CCDC171: variants seen among roughly 807,000 people sequenced by gnomAD.
CCDC171 encodes coiled-coil domain-containing protein 171.
CCDC171 carries 177 observed loss-of-function variants against 168.2 expected under a neutral mutation model. The ratio of observed to expected loss-of-function variants is 1.05; its 90% CI spans 0.93 to 1.19. CCDC171 has a LOEUF of 1.19. Ranked by LOEUF, CCDC171 falls within the 50% of genes most tolerant of loss-of-function variation. CCDC171 has a pLI of 0.00. For synonymous variants in CCDC171, 687 were observed against 540.8 expected, an observed-to-expected ratio of 1.27 and a Z score of -3.75; for missense variants, 1,991 against 1,539.0, an observed-to-expected ratio of 1.29 and a Z score of -4.91.
intron 7 of CCDC171, among the ~76,000 whole-genome samples, chr9:15,643,671 G>A (rs77339944): frequency 0.016 from 2,500 of 152,114 alleles, 73 homozygotes; most frequent in African/African-American, 0.055. Context: ...ATTCCAGAGC[G>A]TTTTCATCAC....
At chr9:15,706,209 C>T (rs537213618) in intron 11 of CCDC171, among the ~76,000 whole-genome samples, 15 of 150,688 alleles carry the variant, frequency 1.0e-4, no homozygotes, top group African/African-American at 3.2e-4. Flanking sequence ...GCTTTGAACC[C>T]ATGTAGTCTT....
intron 2 of CCDC171, among the ~76,000 whole-genome samples, chr9:15,567,828 T>A (rs2039875271): frequency 6.6e-6 from 1 of 151,904 alleles, no homozygotes; most frequent in East Asian, 1.9e-4. Context: ...CAATTTTTTT[T>A]ATTTTTGTAG....
chr9:15,720,210 C>G (rs796760965), intron 11 of CCDC171, among the ~76,000 whole-genome samples: 75 of 152,272 alleles, frequency 4.9e-4, no homozygotes, highest in African/African-American at 1.6e-3. Flanking sequence ...TCACCATACT[C>G]TGAGCTGAGT....
chr9:15,845,222 G>C (rs2060845114), intron 21 of CCDC171, among the ~76,000 whole-genome samples: 1 of 152,006 alleles, frequency 6.6e-6, no homozygotes, highest in Non-Finnish European at 1.5e-5. Flanking sequence ...GTTTAGCGTG[G>C]TTTTAAAAAT....
intron 18 of CCDC171, among the ~76,000 whole-genome samples, chr9:15,761,778 A>G (rs2056458305): frequency 6.6e-6 from 1 of 152,144 alleles, no homozygotes; most frequent in Admixed American, 6.6e-5. Context: ...CCACAATTTA[A>G]CTTACAGATT....
intron 23 of CCDC171, chr9:15,850,409 G>C (rs564570085): frequency 2.4e-4 from 36 of 151,936 alleles, no homozygotes; most frequent in Non-Finnish European, 5.2e-4. Flanking sequence ...TAATCATACA[G>C]TTCTTCAGTT....
At chr9:15,560,113 A>C (rs970834307) in intron 1 of CCDC171, among the ~76,000 whole-genome samples, 3 of 152,118 alleles carry the variant, frequency 2.0e-5, no homozygotes, top group Non-Finnish European at 2.9e-5. Flanking sequence ...TGTTAGTCTG[A>C]TGGGCTTCCC....
chr9:15,723,354 G>A (rs999287599), intron 12 of CCDC171, among the ~76,000 whole-genome samples: 3 of 152,072 alleles, frequency 2.0e-5, no homozygotes, highest in Non-Finnish European at 2.9e-5. Flanking sequence ...TGGTCCAGTA[G>A]GATTTTAAGA....
intron 24 of CCDC171, among the ~76,000 whole-genome samples, chr9:15,891,262 C>T (rs1223049332): frequency 6.6e-6 from 1 of 152,096 alleles, no homozygotes; most frequent in Admixed American, 6.6e-5. Context: ...AGCTTAAATG[C>T]ACTTTCTGAG....
rs756011372 is a variant in CCDC171, at chr9:15,784,511, A to G, written c.3084A>G (p.Lys1028=). The G allele has an allele frequency of 7.5e-6, 12 of 1,607,434 alleles. No homozygotes were observed. In the South Asian group the frequency reaches 1.2e-4, roughly 16 times the overall value. The stretch of plus-strand genomic sequence containing the variant: ...CTCCCCTCTCCTCCTTTTTACAGAA[A>G]TTGATCACCCATGAGAAGTTTGAAA... The part of the protein sequence containing the change: ...QMQLNEFKQS[K]LITHEKFESA... The change falls in exon 21 of 26, where the codon AAA becomes AAG. Residue 1028 remains lysine (K), a splice_region_variant and synonymous_variant. Coordinates refer to ENST00000380701, the MANE Select transcript of CCDC171 (RefSeq NM_173550.4).
At chr9:15,617,224 C>A (rs192486107) in intron 6 of CCDC171, among the ~76,000 whole-genome samples, 1 of 152,138 alleles carries the variant, frequency 6.6e-6, no homozygotes, top group African/African-American at 2.4e-5. Flanking sequence ...GTTTTGTGCC[C>A]TTGCTGGAGA....
rs771887360 is a variant in CCDC171 at position 15,666,302 on chromosome 9, A to G, written c.1055A>G (p.Glu352Gly). The G allele has an allele frequency of 6.2e-7, 1 of 1,609,318 alleles. No homozygotes were observed. Among genetic ancestry groups the G allele is most frequent in the Non-Finnish European group, 8.5e-7 (1 of 1,178,116 alleles). ...GAGCGAGAAAAGCATAATGCACAAG[A>G]GAGCTTTGCAAAACTAAATTTGTAA... is the stretch of plus-strand genomic sequence containing the variant. The part of the protein sequence containing the change: ...AYEREKHNAQ[E>G]SFAKLNLLEK... The change falls in exon 9 of 26, where the codon GAG becomes GGG. Residue 352 changes from glutamate to glycine, a missense_variant. By Grantham distance (98) the Glu-to-Gly change is moderately conservative (BLOSUM62 -2). Transcript: ENST00000380701.
At chr9:15,684,604 A>C (rs1203789545) in intron 10 of CCDC171, among the ~76,000 whole-genome samples, 1 of 152,166 alleles carries the variant, frequency 6.6e-6, no homozygotes, top group East Asian at 1.9e-4. Context: ...GTGAGCAAAA[A>C]AGTGAGCATG....
intron 4 of CCDC171, among the ~76,000 whole-genome samples, chr9:15,579,838 C>T (rs1296960259): frequency 6.6e-6 from 1 of 152,086 alleles, no homozygotes; most frequent in Non-Finnish European, 1.5e-5. Flanking sequence ...TGTAAACATT[C>T]CACACTTATA....
At chr9:15,644,214 C>T (rs2046859214) in intron 7 of CCDC171, among the ~76,000 whole-genome samples, 1 of 152,162 alleles carries the variant, frequency 6.6e-6, no homozygotes. Context: ...CTAGTTTTTC[C>T]AATTTTCTTC....
At chr9:15,741,043 A>G (rs1417900724) in intron 16 of CCDC171, among the ~76,000 whole-genome samples, 1 of 151,996 alleles carries the variant, frequency 6.6e-6, no homozygotes, top group Non-Finnish European at 1.5e-5. Context: ...TTTATTATGG[A>G]ATTCTAAATG....
rs2039523422 is a variant in CCDC171 at position 15,564,001 on chromosome 9, C to T, written c.-88C>T. 3 of 985,990 alleles carry T rather than the reference C, an allele frequency of 3.0e-6. No homozygotes were observed. The highest frequency in any genetic ancestry group is 4.8e-6 in the Non-Finnish European group (3 of 625,994). The allele number at this position is 985,990 out of a possible 1,614,324, so 61.1% of individuals were successfully genotyped here. A position where few individuals can be genotyped will look rare whatever the true frequency, so the allele number is the denominator to read the frequency against. ...AGACCTCAAATCATCTAACGTGAAG[C>T]CACAGACATCTTGGGCAATTTTAAT... is the stretch of plus-strand genomic sequence containing the variant. On this transcript the variant is annotated 5_prime_UTR_variant, in exon 2 of 26. Coordinates refer to ENST00000380701, the MANE Select transcript of CCDC171 (RefSeq NM_173550.4).
At chr9:16,076,206 T>C in the CCDC171 span, among the ~76,000 whole-genome samples, 1 of 152,238 alleles carries the variant, frequency 6.6e-6, no homozygotes, top group Non-Finnish European at 1.5e-5. Flanking sequence ...TATCATCTGC[T>C]GATGCTGCTA....
intron 18 of CCDC171, among the ~76,000 whole-genome samples, chr9:15,766,704 G>A (rs1469610763): frequency 6.6e-6 from 1 of 151,250 alleles, no homozygotes; most frequent in Non-Finnish European, 1.5e-5. Flanking sequence ...CACCCAGGCT[G>A]GAGTACAGTG....
Sources: allele counts gnomAD v4.1 joint callset (sites outside exome capture counted in the v4.1 genomes callset), GRCh38; gene constraint gnomAD v4.1.1; transcripts MANE v1.5; gene names NCBI Gene and HGNC (gene_info 2026-07-23, HGNC 2026-07-21).